THSD7A: variants seen among roughly 807,000 people sequenced by gnomAD.
THSD7A encodes thrombospondin type 1 domain containing 7A.
A neutral mutation model predicts 231.3 loss-of-function variants in THSD7A; 96 were observed. The observed-to-expected ratio is 0.41, with a 90% CI of 0.35 to 0.49. The LOEUF (loss-of-function observed/expected upper bound fraction) is 0.49. THSD7A is among the 20% of genes least tolerant of loss of function. The probability of loss-of-function intolerance (pLI) is 0.05; values close to 1 mark genes in which losing one functional copy is unlikely to be tolerated. For synonymous variants in THSD7A, 940 were observed against 743.3 expected (o/e 1.26, Z -4.30); for missense variants, 2,290 against 2,070.2 (o/e 1.11, Z -2.06).
chr7:11,530,575 A>G (rs1788662934), intron 6 of THSD7A, among the ~76,000 whole-genome samples: 1 of 152,194 alleles, frequency 6.6e-6, no homozygotes, highest in Non-Finnish European at 1.5e-5. Context: ...GTAAATGATT[A>G]TATTCCAAAT....
intron 1 of THSD7A, among the ~76,000 whole-genome samples, chr7:11,693,412 C>A (rs1018902836): frequency 1.3e-5 from 2 of 151,352 alleles, no homozygotes; most frequent in Admixed American, 6.6e-5. Context: ...TAATAACATA[C>A]GCTGTCTACA....
chr7:11,526,850 G>A (rs1205501171), intron 6 of THSD7A, among the ~76,000 whole-genome samples: 1 of 152,038 alleles, frequency 6.6e-6, no homozygotes, highest in Non-Finnish European at 1.5e-5. Flanking sequence ...TGTGAGGATG[G>A]ACTAATATAG....
At chr7:11,428,852 T>C in intron 14 of THSD7A, 95 bp downstream of exon 14, 1 of 1,417,726 alleles carries the variant, frequency 7.1e-7, no homozygotes, top group Non-Finnish European at 9.6e-7. Flanking sequence ...AATTTTTTAT[T>C]CAATAGCTAT....
chr7:11,442,491 T>C (rs1318120368), intron 13 of THSD7A, among the ~76,000 whole-genome samples: 1 of 152,172 alleles, frequency 6.6e-6, no homozygotes, highest in Non-Finnish European at 1.5e-5. Flanking sequence ...ATTTTGTCTT[T>C]AAATTGAAAG....
At chr7:11,801,665 A>G (rs1400730367) in intron 1 of THSD7A, among the ~76,000 whole-genome samples, 1 of 152,068 alleles carries the variant, frequency 6.6e-6, no homozygotes, top group African/African-American at 2.4e-5. Context: ...AAAGAACTGG[A>G]AAAAAAAGAA....
Position 11,769,153 on chromosome 7 carries a change from A to ATTTTT in THSD7A, c.190+62599_190+62603dup, listed in dbSNP as rs1227041855. 1.8e-3 allele frequency among the ~76,000 whole-genome samples: 50 copies of ATTTTT among 27,650 alleles called. 5 individuals are homozygous for ATTTTT. The highest frequency in any genetic ancestry group is 4.8e-3 in the African/African-American group (39 of 8,118). 18.1% of individuals were successfully genotyped at this position (27,650 alleles called of 152,430 possible). ...TATATATATATATATATATATATATATTTTTTTTTTTTTTTGGTATTTTTG... is the reference window on the plus strand; with the variant it reads ...TATATATATATATATATATATATATATTTTTTTTTTTTTTTTTTTTGGTATTTTTG... On this transcript the variant is annotated intron_variant, in intron 1 of 27. Transcript: ENST00000423059.
intron 1 of THSD7A, among the ~76,000 whole-genome samples, chr7:11,683,535 A>G (rs1783948381): frequency 6.6e-6 from 1 of 151,990 alleles, no homozygotes. Flanking sequence ...AAATGACAAA[A>G]ATGACATTAC....
intron 3 of THSD7A, 101 bp downstream of exon 3, chr7:11,593,153 A>T: frequency 4.9e-6 from 7 of 1,436,632 alleles, no homozygotes; most frequent in Non-Finnish European, 6.5e-6. Context: ...GATATTTTTT[A>T]TGTGTAAAAA....
intron 4 of THSD7A, among the ~76,000 whole-genome samples, chr7:11,552,293 C>T (rs746260669): frequency 6.6e-6 from 1 of 151,986 alleles, no homozygotes; most frequent in Non-Finnish European, 1.5e-5. Flanking sequence ...CAAACCTGTA[C>T]ATATATCCCT....
At chr7:11,717,814 C>T (rs4400269) in intron 1 of THSD7A, among the ~76,000 whole-genome samples, 19,891 of 151,504 alleles carry the variant, frequency 0.13, 1,497 homozygotes, top group Admixed American at 0.18. Flanking sequence ...TCTAAACTTC[C>T]ATGTCTTTAA....
chr7:11,638,287 A>C (rs1359929101), intron 1 of THSD7A, among the ~76,000 whole-genome samples: 1 of 152,230 alleles, frequency 6.6e-6, no homozygotes, highest in Non-Finnish European at 1.5e-5. Flanking sequence ...GCTGAGTTCA[A>C]ATATTTAATG....
chr7:11,743,499 A>G (rs1782178122), intron 1 of THSD7A, among the ~76,000 whole-genome samples: 2 of 151,852 alleles, frequency 1.3e-5, no homozygotes, highest in South Asian at 4.1e-4. Flanking sequence ...TCTTTTTTGT[A>G]GTCTAATACT....
intron 1 of THSD7A, among the ~76,000 whole-genome samples, chr7:11,690,001 T>C (rs1345310944): frequency 6.6e-6 from 1 of 151,760 alleles, no homozygotes; most frequent in Admixed American, 6.6e-5. Context: ...AAAGAATTCA[T>C]ATTAAATAGC....
chr7:11,577,190 C>T (rs540491632), intron 4 of THSD7A, among the ~76,000 whole-genome samples: 2 of 152,204 alleles, frequency 1.3e-5, no homozygotes, highest in Non-Finnish European at 2.9e-5. Context: ...TAGTTAAAAA[C>T]ATAACTGTAT....
chr7:11,573,580 T>C (rs891448625), intron 4 of THSD7A, among the ~76,000 whole-genome samples: 5 of 152,246 alleles, frequency 3.3e-5, no homozygotes, highest in Admixed American at 6.5e-5. Context: ...ATATAATTTG[T>C]TAAATTTTAT....
chr7:11,520,753 T>C (rs549397409), intron 6 of THSD7A, among the ~76,000 whole-genome samples: 3 of 152,334 alleles, frequency 2.0e-5, no homozygotes, highest in Non-Finnish European at 4.4e-5. Flanking sequence ...AGGTAGTCAC[T>C]GTAAGGTCTA....
At chr7:11,631,870 G>T (rs987361278) in intron 2 of THSD7A, among the ~76,000 whole-genome samples, 2 of 152,144 alleles carry the variant, frequency 1.3e-5, no homozygotes, top group Admixed American at 1.3e-4. Flanking sequence ...GCTCAATCCT[G>T]ACCAATGGCC....
intron 2 of THSD7A, among the ~76,000 whole-genome samples, chr7:11,611,870 CT>C (rs1251722549): frequency 6.6e-6 from 1 of 150,836 alleles, no homozygotes; most frequent in Non-Finnish European, 1.5e-5. Flanking sequence ...ATCTATCTAT[CT>C]ATCTATCTAT....
intron 9 of THSD7A, 81 bp from the exon 10 acceptor site, chr7:11,462,224 C>A: frequency 6.8e-7 from 1 of 1,465,854 alleles, no homozygotes. Flanking sequence ...GAAGAAATTA[C>A]ATTGCCTCCA....
Sources: gnomAD v4.1 joint callset for allele counts (sites outside exome capture counted in the v4.1 genomes callset) on GRCh38, gnomAD v4.1.1 for gene constraint, MANE v1.5 for transcripts, NCBI Gene and HGNC (gene_info 2026-07-23, HGNC 2026-07-21) for gene names.